SSBP4: variants seen among roughly 807,000 people sequenced by gnomAD.
SSBP4 encodes the protein single-stranded DNA-binding protein 4.
A neutral mutation model predicts 64.6 loss-of-function variants in SSBP4; 33 were observed. The ratio of observed to expected loss-of-function variants is 0.51; its 90% CI spans 0.39 to 0.68. The LOEUF is 0.68. Among genes scored for constraint, SSBP4 ranks in the 30% least tolerant of loss-of-function variants. SSBP4 has a pLI of 0.00. For missense variants in SSBP4, 583 were observed against 566.8 expected (o/e 1.03, Z -0.29); for synonymous variants, 243 against 224.0 (o/e 1.08, Z -0.76).
At chr19:18,430,249 C>T (rs2144770584) in intron 4 of SSBP4, among the ~76,000 whole-genome samples, 1 of 152,316 alleles carries the variant, frequency 6.6e-6, no homozygotes, top group Admixed American at 6.5e-5. Flanking sequence ...CTGCCAGACC[C>T]TGTAGGCCCC....
the SSBP4 span, among the ~76,000 whole-genome samples, chr19:18,407,445 C>A: frequency 6.6e-6 from 1 of 152,092 alleles, no homozygotes; most frequent in Non-Finnish European, 1.5e-5. Flanking sequence ...GAGACGGAGT[C>A]TCGTTCTGTT....
At chr19:18,432,099 C>T (rs1204626312) in intron 9 of SSBP4, 29 bp downstream of exon 9, 1 of 1,603,738 alleles carries the variant, frequency 6.2e-7, no homozygotes. Context: ...TGGGTGGGGC[C>T]TTCGGGCTGT....
At position 18,426,208 on chromosome 19, in the gene SSBP4, G is replaced by C. The variant is rs1972843304; in HGVS notation, c.60-1143G>C. The C allele has an allele frequency of 6.6e-6, 1 of 152,448 alleles. No homozygotes were observed. The highest frequency in any genetic ancestry group is 2.4e-5 in the African/African-American group (1 of 41,438). The allele number at this position is 152,448 out of a possible 1,614,324, so 9.4% of individuals were successfully genotyped here. A position where few individuals can be genotyped will look rare whatever the true frequency, so the allele number is the denominator to read the frequency against. On this transcript the variant is annotated intron_variant, in intron 1 of 17. Coordinates refer to ENST00000270061, the MANE Select transcript of SSBP4 (RefSeq NM_032627.5). This position sits in a 1 kb window ranked among gnomAD's most constrained non-coding sequence, Gnocchi z 4.5. ...TAGGATTGGAGCAGCCTGGCTGGGA[G>C]GGAGCAGAGCGTGAGTCAAAGGAAG... is the stretch of plus-strand genomic sequence containing the variant.
chr19:18,431,074 G>C (rs562245817), intron 5 of SSBP4, 144 bp downstream of exon 5: 2 of 1,032,364 alleles, frequency 1.9e-6, no homozygotes, highest in Non-Finnish European at 2.9e-6. Context: ...GGTGTGCCCA[G>C]GTGGGCCTTT....
At chr19:18,428,982 C>T (rs999219431) in intron 4 of SSBP4, among the ~76,000 whole-genome samples, 5 of 152,218 alleles carry the variant, frequency 3.3e-5, no homozygotes, top group South Asian at 2.1e-4. Flanking sequence ...CGCCCCCCGC[C>T]GGGCCAGGAG....
the SSBP4 span, among the ~76,000 whole-genome samples, chr19:18,406,630 AGAGT>A: frequency 6.6e-6 from 1 of 151,988 alleles, no homozygotes; most frequent in Non-Finnish European, 1.5e-5. Context: ...CCTGGGCCAC[AGAGT>A]GAGGCCCTAT....
Position 18,419,820 on chromosome 19 carries a change from G to A in SSBP4, c.59+113G>A, listed in dbSNP as rs1972303186. 7.9e-6 allele frequency: 6 copies of A among 761,300 alleles called. No individual in the cohort carries two copies. In the South Asian group the frequency reaches 3.0e-4, roughly 38 times the overall value. 47.2% of individuals were successfully genotyped at this position (761,300 alleles called of 1,614,324 possible). Reference sequence around the variant, plus strand: ...CGGGCGGCGGGGAGCGCGAGCCTGAGCGCGCTCGAGGGGTCGCGAGATTGG... The same window carrying A: ...CGGGCGGCGGGGAGCGCGAGCCTGAACGCGCTCGAGGGGTCGCGAGATTGG... On this transcript the variant is annotated intron_variant, in intron 1 of 17. Transcript: ENST00000270061.
At chr19:18,417,693 G>A (rs1972172923), upstream of SSBP4, among the ~76,000 whole-genome samples, 1 of 152,330 alleles carries the variant, frequency 6.6e-6, no homozygotes, top group Non-Finnish European at 1.5e-5. The surrounding 1 kb of genome is among the most constrained non-coding windows in gnomAD (Gnocchi z 5.4). Context: ...GAGGCCCGCG[G>A]GAGAGGAAGC....
At chr19:18,431,311 A>C in intron 5 of SSBP4, 42 bp from the exon 6 acceptor site, 1 of 591,036 alleles carries the variant, frequency 1.7e-6, no homozygotes, top group Non-Finnish European at 3.0e-6. Context: ...CAAACCCAGT[A>C]GGGCCTCACT....
chr19:18,417,816 C>A (rs1008479167), upstream of SSBP4, among the ~76,000 whole-genome samples: 1 of 152,106 alleles, frequency 6.6e-6, no homozygotes, highest in Non-Finnish European at 1.5e-5. This position sits in a 1 kb window ranked among gnomAD's most constrained non-coding sequence, Gnocchi z 5.4. Flanking sequence ...CCCTTCCCTT[C>A]CTCTCCGCGG....
chr19:18,424,385 T>C (rs976793441), intron 1 of SSBP4, among the ~76,000 whole-genome samples: 2 of 152,118 alleles, frequency 1.3e-5, no homozygotes, highest in Non-Finnish European at 2.9e-5. Flanking sequence ...CACGTCAAGC[T>C]ACATTCCATT....
chr19:18,433,805 C>G lies in SSBP4; in HGVS notation c.1116C>G (p.Phe372Leu), dbSNP rs766791346. 6.9e-7 allele frequency: 1 copy of G among 1,439,674 alleles called. No individual in the cohort carries two copies. Among genetic ancestry groups the G allele is most frequent in the African/African-American group, 1.5e-5 (1 of 66,890 alleles). 89.2% of individuals were successfully genotyped at this position (1,439,674 alleles called of 1,614,324 possible). Residue 372 changes from phenylalanine to leucine, a missense_variant, in exon 17 of 18, where the codon TTC becomes TTG. Phe to Leu is a conservative substitution (Grantham distance 22, BLOSUM62 0). Coordinates refer to ENST00000270061, the MANE Select transcript of SSBP4 (RefSeq NM_032627.5). ...MAAAGTFLHP[F>L]PSESYSPGMT... ...CCGCCGGGACCTTCCTGCACCCGTT[C>G]CCGAGCGAAAGCGTAAGCGACTGCG...
the SSBP4 span, among the ~76,000 whole-genome samples, chr19:18,413,364 C>T: frequency 9.9e-5 from 15 of 152,144 alleles, no homozygotes; most frequent in East Asian, 2.5e-3. Context: ...AGGCACGCGC[C>T]ACCACGCCTG....
At chr19:18,416,655 G>C (rs1972132887), upstream of SSBP4, among the ~76,000 whole-genome samples, 1 of 152,250 alleles carries the variant, frequency 6.6e-6, no homozygotes, top group African/African-American at 2.4e-5. Flanking sequence ...CCCCGGCCAC[G>C]GCTGCTTCCT....
Position 18,423,133 on chromosome 19 carries a change from G to A in SSBP4, c.59+3426G>A, listed in dbSNP as rs1489007533. Among the ~76,000 whole-genome samples the A allele has an allele frequency of 1.3e-5, 2 of 152,188 alleles. No individual in the cohort carries two copies. The highest frequency in any genetic ancestry group is 2.9e-5 in the Non-Finnish European group (2 of 68,026). On this transcript the variant is annotated intron_variant, in intron 1 of 17. Coordinates refer to ENST00000270061, the MANE Select transcript of SSBP4 (RefSeq NM_032627.5). The surrounding 1 kb of genome is among the most constrained non-coding windows in gnomAD (Gnocchi z 4.0). ...TGAGTGGGCCACTTGCAAGAAGAGGGGCATGTGTATATCCTTCAGCACTCA... is the reference window on the plus strand; with the variant it reads ...TGAGTGGGCCACTTGCAAGAAGAGGAGCATGTGTATATCCTTCAGCACTCA...
intron 17 of SSBP4, 134 bp from the exon 18 acceptor site, chr19:18,434,083 G>A (rs1973794113): frequency 5.0e-6 from 5 of 1,003,956 alleles, no homozygotes; most frequent in South Asian, 5.9e-5. Context: ...CCCCTCCCCC[G>A]TTCCCTCCTG....
At chr19:18,407,461 G>T in the SSBP4 span, among the ~76,000 whole-genome samples, 1 of 152,230 alleles carries the variant, frequency 6.6e-6, no homozygotes, top group Non-Finnish European at 1.5e-5. Context: ...CTGTTGCCCA[G>T]GCTGGAGTGC....
Position 18,434,274 on chromosome 19 carries a change from G to T in SSBP4, c.*28G>T. 4.3e-6 allele frequency: 7 copies of T among 1,609,228 alleles called. No individual in the cohort carries two copies. Among genetic ancestry groups the T allele is most frequent in the Non-Finnish European group, 5.9e-6 (7 of 1,178,334 alleles). On this transcript the variant is annotated 3_prime_UTR_variant, in exon 18 of 18. Coordinates refer to ENST00000270061, the MANE Select transcript of SSBP4 (RefSeq NM_032627.5). ...GGGCGGCAGCCCCGGGCCTCTCTGC[G>T]GGCCTAGGCTTCTGCCCAGCGCCCC...
At chr19:18,404,426 T>C in the SSBP4 span, among the ~76,000 whole-genome samples, 1 of 151,578 alleles carries the variant, frequency 6.6e-6, no homozygotes, top group Non-Finnish European at 1.5e-5. Flanking sequence ...AAACCCCGCC[T>C]CTACTAAAAA....
Sources: allele counts gnomAD v4.1 joint callset (sites outside exome capture counted in the v4.1 genomes callset), GRCh38; gene constraint gnomAD v4.1.1; non-coding constraint Gnocchi (gnomAD v3.1); transcripts MANE v1.5; gene names NCBI Gene and HGNC (gene_info 2026-07-23, HGNC 2026-07-21).